The following IFI35 variants were observed in gnomAD, a reference collection of about 807,000 sequenced individuals.
IFI35 encodes interferon-induced 35 kDa protein.
Under a neutral mutation model 28.6 loss-of-function variants are expected in IFI35, and 30 were observed. That is an observed-to-expected ratio of 1.05 (90% confidence interval 0.79 to 1.43). The LOEUF (loss-of-function observed/expected upper bound fraction) is 1.43. IFI35 is among the 40% of genes most tolerant of loss of function. The pLI is 0.00. For synonymous variants in IFI35, 146 were observed against 154.8 expected (o/e 0.94, Z 0.42); for missense variants, 372 against 356.9 (o/e 1.04, Z -0.34).
At position 43,012,238 on chromosome 17, in the gene IFI35, G is replaced by A. The variant is rs1309754979; in HGVS notation, c.81G>A (p.Gln27=). 6.3e-7 allele frequency: 1 copy of A among 1,579,006 alleles called. No homozygotes were observed. The highest frequency in any genetic ancestry group is 8.6e-7 in the Non-Finnish European group (1 of 1,162,062). Residue 27 remains glutamine (Q), a synonymous_variant, in exon 2 of 7, where the codon CAG becomes CAA. Coordinates refer to ENST00000415816, the MANE Select transcript of IFI35 (RefSeq NM_001330230.2). The stretch of plus-strand genomic sequence containing the variant: ...TCAAGATGAGGCTGTGGGACCTGCA[G>A]CAGCTGAGAAAGGAGCTCGGGGACT... ...ARLKMRLWDL[Q]QLRKELGDSP...
chr17:43,014,029 C>T, intron 6 of IFI35, 79 bp from the exon 7 acceptor site: 1 of 1,439,320 alleles, frequency 6.9e-7, no homozygotes. Flanking sequence ...CTCATACCCC[C>T]ATGGGGCACT....
At chr17:43,012,567 G>A (rs937498568) in intron 2 of IFI35, 10 of 248,836 alleles carry the variant, frequency 4.0e-5, no homozygotes, top group South Asian at 3.9e-4. Context: ...GTGAAACCCC[G>A]TCTCTACTAA....
chr17:43,007,847 T>TTATATATATATATATA lies in IFI35; in HGVS notation c.21+890_21+905dup, dbSNP rs68028192. ...TCTCACACACACACACACACAAAATTTATATATATATATATATATATATAT... is the reference window on the plus strand; with the variant it reads ...TCTCACACACACACACACACAAAATTTATATATATATATATATATATATATATATATATATATATAT... On this transcript the variant is annotated intron_variant, in intron 1 of 6. Transcript: ENST00000415816. 1.5e-3 allele frequency among the ~76,000 whole-genome samples: 182 copies of TTATATATATATATATA among 118,994 alleles called. 4 individuals are homozygous for TTATATATATATATATA. Among genetic ancestry groups the TTATATATATATATATA allele is most frequent in the African/African-American group, 5.9e-3 (153 of 25,954 alleles). The allele number at this position is 118,994 out of a possible 152,430, so 78.1% of individuals were successfully genotyped here. A position where few individuals can be genotyped will look rare whatever the true frequency, so the allele number is the denominator to read the frequency against.
rs759202201 is a variant in IFI35, at chr17:43,013,501, G to GGGTGTT, written c.405_410dup (p.Leu136_Val137dup). On this transcript the variant is annotated inframe_insertion, in exon 5 of 7. Transcript: ENST00000415816. ...ATGTCCAGCCAGTTGAGTGGCCGGAGGGTGTTGGTCACTGGATTTCCTGCC... is the reference window on the plus strand; with the variant it reads ...ATGTCCAGCCAGTTGAGTGGCCGGAGGGTGTTGGTGTTGGTCACTGGATTTCCTGCC... 6.6e-5 allele frequency: 107 copies of GGGTGTT among 1,613,922 alleles called. No homozygotes were observed. The highest frequency in any genetic ancestry group is 1.2e-4 in the Admixed American group (7 of 59,992).
In IFI35 at chr17:43,014,265, A is replaced by G. The variant is rs1324704067; in HGVS notation, c.827A>G (p.Gln276Arg). Residue 276 changes from glutamine to arginine, a missense_variant, in exon 7 of 7, where the codon CAG becomes CGG. Gln to Arg is a conservative substitution (Grantham distance 43). Transcript: ENST00000415816. ...CTGACAGTCGTACCCCAAGGACAGC[A>G]GGGCCTAGCAGTCTTCACCTCTGAG... ...EALTVVPQGQ[Q>R]GLAVFTSESG 1 of 1,589,158 alleles carries G rather than the reference A, an allele frequency of 6.3e-7. No homozygotes were observed. The highest frequency in any genetic ancestry group is 1.8e-5 in the Admixed American group (1 of 56,406).
In IFI35 at chr17:43,014,278, C is replaced by T. The variant is rs2050500813; in HGVS notation, c.840C>T (p.Val280=). The change falls in exon 7 of 7, where the codon GTC becomes GTT. Residue 280 remains valine, a synonymous_variant. Transcript: ENST00000415816. ...VVPQGQQGLA[V]FTSESG Reference sequence around the variant, plus strand: ...CCCAAGGACAGCAGGGCCTAGCAGTCTTCACCTCTGAGTCAGGCTAGGGGC... The same window carrying T: ...CCCAAGGACAGCAGGGCCTAGCAGTTTTCACCTCTGAGTCAGGCTAGGGGC... 6.3e-7 allele frequency: 1 copy of T among 1,576,998 alleles called. No homozygotes were observed. The highest frequency in any genetic ancestry group is 1.4e-5 in the African/African-American group (1 of 73,998).
At chr17:43,010,129 G>C (rs149645324) in intron 1 of IFI35, among the ~76,000 whole-genome samples, 1 of 151,932 alleles carries the variant, frequency 6.6e-6, no homozygotes, top group Non-Finnish European at 1.5e-5. Context: ...CCAGCTAATC[G>C]GGAGGCTGAG....
chr17:43,009,969 C>T (rs2050443313), intron 1 of IFI35, among the ~76,000 whole-genome samples: 1 of 151,174 alleles, frequency 6.6e-6, no homozygotes, highest in African/African-American at 2.4e-5. Flanking sequence ...GGCGCGGTGT[C>T]TCACACCTGT....
At chr17:43,012,129 TTC>T in intron 1 of IFI35, 48 bp from the exon 2 acceptor site, 1 of 1,373,602 alleles carries the variant, frequency 7.3e-7, no homozygotes, top group East Asian at 2.6e-5. Context: ...GGCTTGTTGA[TTC>T]TCTGGAAGGG....
At chr17:43,010,034 G>A (rs1053120886) in intron 1 of IFI35, among the ~76,000 whole-genome samples, 14 of 151,632 alleles carry the variant, frequency 9.2e-5, no homozygotes, top group African/African-American at 2.9e-4. Context: ...AGGAGATCGA[G>A]ACCATCCTGG....
intron 6 of IFI35, 63 bp from the exon 7 acceptor site, chr17:43,014,045 C>A: frequency 6.5e-7 from 1 of 1,530,592 alleles, no homozygotes; most frequent in Non-Finnish European, 9.0e-7. Flanking sequence ...GCACTGCCTG[C>A]CCTACCCCCA....
intron 1 of IFI35, among the ~76,000 whole-genome samples, chr17:43,008,036 T>C (rs1050264578): frequency 7.8e-5 from 11 of 141,554 alleles, no homozygotes; most frequent in Admixed American, 4.2e-4. Context: ...GACAATCCCT[T>C]TTTTTTTTTT....
At position 43,012,266 on chromosome 17, in the gene IFI35, C is replaced by A; in HGVS notation, c.109C>A (p.Pro37Thr). 2 of 1,569,838 alleles carry A rather than the reference C, an allele frequency of 1.3e-6. No individual in the cohort carries two copies. Among genetic ancestry groups the A allele is most frequent in the East Asian group, 2.4e-5 (1 of 42,512 alleles). The change falls in exon 2 of 7, where the codon CCC (proline) becomes ACC (threonine). Residue 37 changes from proline (P) to threonine (T), a missense_variant. Physicochemically the swap from Pro to Thr is conservative, Grantham distance 38. Coordinates refer to ENST00000415816, the MANE Select transcript of IFI35 (RefSeq NM_001330230.2). ...GCTGAGAAAGGAGCTCGGGGACTCC[C>A]CCAAAGACAAGGTAAGGTGGGAGAT... ...QQLRKELGDS[P>T]KDKVPFSVPK...
chr17:43,013,964 GC>G, intron 6 of IFI35, 82 bp downstream of exon 6: 1 of 1,310,774 alleles, frequency 7.6e-7, no homozygotes. Context: ...AGGATCAGAG[GC>G]CCCAAACCCC....
chr17:43,011,486 C>T (rs990265604), intron 1 of IFI35, among the ~76,000 whole-genome samples: 2 of 151,042 alleles, frequency 1.3e-5, no homozygotes, highest in African/African-American at 2.4e-5. Flanking sequence ...GCCACTGCAC[C>T]CCAGCCTGGG....
At chr17:43,012,066 G>C (rs576956700) in intron 1 of IFI35, 113 bp from the exon 2 acceptor site, 3 of 716,436 alleles carry the variant, frequency 4.2e-6, no homozygotes, top group Non-Finnish European at 6.7e-6. Context: ...TTGTTCTTGA[G>C]CTTAGCATCA....
Position 43,013,187 on chromosome 17 carries a change from C to A in IFI35, c.261C>A (p.Asp87Glu). Residue 87 changes from aspartate (D) to glutamate (E), a missense_variant, in exon 3 of 7, where the codon GAC becomes GAA. Asp to Glu is a conservative substitution (Grantham distance 45, BLOSUM62 2). Coordinates refer to ENST00000415816, the MANE Select transcript of IFI35 (RefSeq NM_001330230.2). ...GCTCTGCTCTGATCACCTTTGATGA[C>A]CCCAAAGGTAAGCTCATGGGGAGCC... ...LAGSALITFD[D>E]PKVAEQVLQQ... 1 of 1,614,098 alleles carries A rather than the reference C, an allele frequency of 6.2e-7. No homozygotes were observed. The highest frequency in any genetic ancestry group is 8.5e-7 in the Non-Finnish European group (1 of 1,180,004).
rs1315720266 is a variant in IFI35 at position 43,008,224 on chromosome 17, T to C, written c.21+1256T>C. ...TAATTTTTTGTATTTTTAGTAGAAA[T>C]GGAGTTTCACCGTGTTAGCCGGGAT... On this transcript the variant is annotated intron_variant, in intron 1 of 6. Coordinates refer to ENST00000415816, the MANE Select transcript of IFI35 (RefSeq NM_001330230.2). Among the ~76,000 whole-genome samples the C allele has an allele frequency of 2.0e-5, 3 of 150,596 alleles. No homozygotes were observed. In the East Asian group the frequency reaches 5.9e-4, roughly 29 times the overall value.
At chr17:43,009,716 G>A (rs2050440289) in intron 1 of IFI35, among the ~76,000 whole-genome samples, 1 of 151,944 alleles carries the variant, frequency 6.6e-6, no homozygotes, top group Non-Finnish European at 1.5e-5. Context: ...TCCTGCCACT[G>A]CATTCCAGCC....
Sources: gnomAD v4.1 joint callset for allele counts (sites outside exome capture counted in the v4.1 genomes callset) on GRCh38, gnomAD v4.1.1 for gene constraint, MANE v1.5 for transcripts, NCBI Gene and HGNC (gene_info 2026-07-23, HGNC 2026-07-21) for gene names.